The following MED15 variants were observed in gnomAD, a reference collection of about 807,000 sequenced individuals.
MED15 encodes mediator complex subunit 15.
A neutral mutation model predicts 118.7 loss-of-function variants in MED15; 41 were observed. The ratio of observed to expected loss-of-function variants is 0.35; its 90% confidence interval spans 0.27 to 0.45. MED15 has a LOEUF of 0.45. MED15 is among the 20% of genes least tolerant of loss of function. The probability of loss-of-function intolerance (pLI) is 1.00; values close to 1 mark genes in which losing one functional copy is unlikely to be tolerated. For synonymous variants in MED15, 436 were observed against 413.9 expected (o/e 1.05, Z -0.65); for missense variants, 740 against 1,025.5 (o/e 0.72, Z 3.80).
chr22:20,539,829 G>A (rs1479518060), intron 2 of MED15, among the ~76,000 whole-genome samples: 1 of 152,102 alleles, frequency 6.6e-6, no homozygotes, highest in African/African-American at 2.4e-5. Context: ...TAATGATGTT[G>A]AGCATCTTTT....
Position 20,564,505 on chromosome 22 carries a change from C to CCAG in MED15, c.520_522dup (p.Gln174dup), listed in dbSNP as rs749972146. On this transcript the variant is annotated inframe_insertion, in exon 6 of 18. Transcript: ENST00000263205. The stretch of plus-strand genomic sequence containing the variant: ...AGCAGCAGCAGCAACAGCAGCAGTT[C>CCAG]CAGCAGCAGCAGCAGGCGGCGCTAC... The CCAG allele has an allele frequency of 1.4e-4, 230 of 1,600,288 alleles. No individual in the cohort carries two copies. Among genetic ancestry groups the CCAG allele is most frequent in the Non-Finnish European group, 1.9e-4 (217 of 1,169,362 alleles).
intron 2 of MED15, among the ~76,000 whole-genome samples, chr22:20,544,539 C>T (rs890698666): frequency 8.5e-5 from 13 of 152,058 alleles, no homozygotes; most frequent in African/African-American, 1.2e-4. Flanking sequence ...TGGTGGCGGG[C>T]GCCTGGAGTC....
chr22:20,570,514 C>T (rs1020342027), intron 8 of MED15, among the ~76,000 whole-genome samples: 1 of 151,088 alleles, frequency 6.6e-6, no homozygotes, highest in Non-Finnish European at 1.5e-5. Flanking sequence ...GCCTCAGCCT[C>T]CCAAGTAGCT....
chr22:20,519,395 T>C (rs1017466077), intron 1 of MED15, among the ~76,000 whole-genome samples: 1 of 152,042 alleles, frequency 6.6e-6, no homozygotes, highest in Non-Finnish European at 1.5e-5. Flanking sequence ...GAGAAGATGC[T>C]TTACCTTCTT....
intron 8 of MED15, among the ~76,000 whole-genome samples, chr22:20,569,080 G>A (rs1253771100): frequency 1.3e-5 from 2 of 152,322 alleles, no homozygotes; most frequent in Non-Finnish European, 2.9e-5. Flanking sequence ...GCATCCTGGT[G>A]CTCGCCTGCA....
intron 13 of MED15, chr22:20,584,096 C>T: frequency 3.8e-6 from 2 of 532,056 alleles, no homozygotes; most frequent in Non-Finnish European, 3.4e-6. Context: ...GCCTACATGA[C>T]AATGAGGCAT....
chr22:20,542,613 T>C (rs73156987), intron 2 of MED15, among the ~76,000 whole-genome samples: 17,153 of 152,272 alleles, frequency 0.11, 1,281 homozygotes, highest in Non-Finnish European at 0.15. Flanking sequence ...TCTGAGCCCA[T>C]GTCTCTGCCC....
intron 2 of MED15, among the ~76,000 whole-genome samples, chr22:20,543,246 C>A: frequency 1.6e-5 from 2 of 127,640 alleles, no homozygotes; most frequent in Non-Finnish European, 3.1e-5. Flanking sequence ...GAGTCTCACT[C>A]TCTCGCCCAG....
At position 20,551,416 on chromosome 22, in the gene MED15, C is replaced by T; in HGVS notation, c.157-20C>T. ...CGCTTCTTCATCTGGTATTAAACTG[C>T]TTCCTGTTTTTACTTTTAGGACGAA... On this transcript the variant is annotated intron_variant, in intron 2 of 17. Coordinates refer to ENST00000263205, the MANE Select transcript of MED15 (RefSeq NM_001003891.3). 6.2e-7 allele frequency: 1 copy of T among 1,612,612 alleles called. No individual in the cohort carries two copies. The highest frequency in any genetic ancestry group is 8.5e-7 in the Non-Finnish European group (1 of 1,178,572).
intron 5 of MED15, 75 bp downstream of exon 5, chr22:20,555,223 T>G (rs932337067): frequency 7.2e-7 from 1 of 1,379,544 alleles, no homozygotes; most frequent in Non-Finnish European, 9.8e-7. Context: ...GTGCTTATGA[T>G]GGTATCAAGA....
intron 2 of MED15, among the ~76,000 whole-genome samples, chr22:20,547,615 C>G (rs1419737381): frequency 6.6e-6 from 1 of 151,744 alleles, no homozygotes; most frequent in Non-Finnish European, 1.5e-5. Flanking sequence ...GTCAGGAGAT[C>G]GAGACCATCC....
intron 1 of MED15, among the ~76,000 whole-genome samples, chr22:20,532,562 C>T (rs1412852361): frequency 6.6e-6 from 1 of 152,200 alleles, no homozygotes; most frequent in Non-Finnish European, 1.5e-5. Flanking sequence ...TGGCCAAAGG[C>T]AGAGCATTGG....
At position 20,568,648 on chromosome 22, in the gene MED15, G is replaced by T. The variant is rs1187118081; in HGVS notation, c.1152+17G>T. ...GGAGTCCAGGTGAGGGCCTGGGGGT[G>T]GAGGGCTCCATAGTCATCAGCAGGT... On this transcript the variant is annotated intron_variant, in intron 8 of 17. Coordinates refer to ENST00000263205, the MANE Select transcript of MED15 (RefSeq NM_001003891.3). 6.2e-7 allele frequency: 1 copy of T among 1,610,284 alleles called. No homozygotes were observed. The highest frequency in any genetic ancestry group is 8.5e-7 in the Non-Finnish European group (1 of 1,178,746).
At chr22:20,562,809 A>G (rs1056485705) in intron 5 of MED15, among the ~76,000 whole-genome samples, 1 of 152,194 alleles carries the variant, frequency 6.6e-6, no homozygotes, top group African/African-American at 2.4e-5. Context: ...AGGTCGAGGC[A>G]GGAGGATCAC....
At chr22:20,571,329 G>A (rs751533311) in intron 8 of MED15, among the ~76,000 whole-genome samples, 13 of 152,210 alleles carry the variant, frequency 8.5e-5, no homozygotes, top group South Asian at 6.2e-4. Context: ...GTCCCCGCCC[G>A]ACTGGCACAG....
At chr22:20,518,810 T>TC (rs2054342258) in intron 1 of MED15, 2 of 447,978 alleles carry the variant, frequency 4.5e-6, no homozygotes, top group East Asian at 1.4e-4. Flanking sequence ...TGAACTTTTT[T>TC]CCCTCACAGC....
chr22:20,580,030 C>T (rs1387778504), intron 9 of MED15, among the ~76,000 whole-genome samples: 1 of 152,148 alleles, frequency 6.6e-6, no homozygotes, highest in Admixed American at 6.5e-5. Context: ...CCACCACTGA[C>T]ACCTGGGCAC....
intron 2 of MED15, among the ~76,000 whole-genome samples, chr22:20,548,703 G>A (rs1226969839): frequency 3.9e-5 from 6 of 152,310 alleles, no homozygotes; most frequent in South Asian, 2.1e-4. Flanking sequence ...TATGTGGCAC[G>A]GAGCACGTGT....
intron 8 of MED15, chr22:20,573,939 A>G (rs1022607546): frequency 6.6e-6 from 1 of 152,200 alleles, no homozygotes; most frequent in Non-Finnish European, 1.5e-5. Flanking sequence ...CTCTGGCTGC[A>G]GGAGGAACGA....
Sources: gnomAD v4.1 joint callset for allele counts (sites outside exome capture counted in the v4.1 genomes callset) on GRCh38, gnomAD v4.1.1 for gene constraint, MANE v1.5 for transcripts, NCBI Gene and HGNC (gene_info 2026-07-23, HGNC 2026-07-21) for gene names.